Variants in CCNDBP1 observed in about 807,000 individuals in gnomAD.
CCNDBP1 encodes the protein cyclin D1 binding protein 1.
In CCNDBP1, 45 loss-of-function variants were observed where a neutral mutation model predicts 46.2. That is an observed-to-expected ratio of 0.97 (90% CI 0.77 to 1.25). The LOEUF (loss-of-function observed/expected upper bound fraction) is 1.25, where lower values mean the gene tolerates loss of function less well. Ranked by LOEUF, CCNDBP1 falls within the 50% of genes most tolerant of loss-of-function variation. CCNDBP1 has a pLI of 0.00. For synonymous variants in CCNDBP1, 154 were observed against 163.6 expected (o/e 0.94, Z 0.45); for missense variants, 436 against 442.1 (o/e 0.99, Z 0.12).
At position 43,194,753 on chromosome 15, in the gene CCNDBP1, A is replaced by C. The variant is rs1157576269; in HGVS notation, c.995A>C (p.Glu332Ala). ...GCAAGTCATGTGACCCCTCAGCCAG[A>C]AGATAGTTGGATCCCTTTACTTATT... ...TKASHVTPQP[E>A]DSWIPLLINA... Residue 332 changes from glutamate to alanine, a missense_variant, in exon 11 of 11, where the codon GAA becomes GCA. Physicochemically the swap from Glu to Ala is moderately radical, Grantham distance 107. Transcript: ENST00000300213. 6.2e-7 allele frequency: 1 copy of C among 1,613,302 alleles called. No individual in the cohort carries two copies. Among genetic ancestry groups the C allele is most frequent in the Non-Finnish European group, 8.5e-7 (1 of 1,179,234 alleles).
intron 3 of CCNDBP1, among the ~76,000 whole-genome samples, chr15:43,187,619 A>C (rs569973218): frequency 6.6e-5 from 10 of 152,318 alleles, no homozygotes; most frequent in Admixed American, 3.9e-4. Flanking sequence ...GTATGAGAGC[A>C]CTTCAAAAGA....
chr15:43,189,540 A>T, intron 4 of CCNDBP1: 2 of 409,604 alleles, frequency 4.9e-6, no homozygotes, highest in Non-Finnish European at 8.7e-6. Context: ...TCCCTCTTCA[A>T]CCCGTTTTAA....
intron 8 of CCNDBP1, 135 bp from the exon 9 acceptor site, chr15:43,192,608 T>G: frequency 1.4e-6 from 1 of 708,174 alleles, no homozygotes; most frequent in Non-Finnish European, 2.5e-6. Flanking sequence ...TCTGTATTGG[T>G]TGCCCAGTTG....
intron 2 of CCNDBP1, 127 bp from the exon 3 acceptor site, chr15:43,186,027 G>A: frequency 8.4e-7 from 1 of 1,195,682 alleles, no homozygotes; most frequent in East Asian, 2.4e-5. Context: ...ACCTGAGAGG[G>A]TGAAATAGAA....
At position 43,191,395 on chromosome 15, in the gene CCNDBP1, G is replaced by A; in HGVS notation, c.580G>A (p.Ala194Thr). Reference sequence around the variant, plus strand: ...TCACATACATCATGGTATGTCTTAGGCTGTGGAAGAATGTGACCCTTACTC... The same window carrying A: ...TCACATACATCATGGTATGTCTTAGACTGTGGAAGAATGTGACCCTTACTC... ...VKDAHEEMEQAVEECDPYSGL... is the reference protein window; with the variant it reads ...VKDAHEEMEQTVEECDPYSGL... Residue 194 changes from alanine to threonine, a missense_variant and splice_region_variant, in exon 8 of 11, where the codon GCT becomes ACT. Coordinates refer to ENST00000300213, the MANE Select transcript of CCNDBP1 (RefSeq NM_012142.5). 1.3e-6 allele frequency: 2 copies of A among 1,553,084 alleles called. No homozygotes were observed. Among genetic ancestry groups the A allele is most frequent in the African/African-American group, 2.9e-5 (2 of 69,556 alleles).
At chr15:43,190,437 A>G (rs199673621) in intron 6 of CCNDBP1, 39 bp downstream of exon 6, 2 of 1,527,118 alleles carry the variant, frequency 1.3e-6, no homozygotes, top group East Asian at 2.2e-5. Flanking sequence ...CTGCTGGCCA[A>G]AGCAAAGAGA....
rs1369316282 is a variant in CCNDBP1 at position 43,195,969 on chromosome 15, C to T, written c.*1128C>T. 6.6e-6 allele frequency: 1 copy of T among 152,068 alleles called. No homozygotes were observed. Among genetic ancestry groups the T allele is most frequent in the Non-Finnish European group, 1.5e-5 (1 of 68,014 alleles). 9.4% of individuals were successfully genotyped at this position (152,068 alleles called of 1,614,324 possible). Reference sequence around the variant, plus strand: ...TAACAAGTGTCATGAAGGGAAGGAACTAAAATCAAACTGACAGAGTGTCAA... The same window carrying T: ...TAACAAGTGTCATGAAGGGAAGGAATTAAAATCAAACTGACAGAGTGTCAA... On this transcript the variant is annotated 3_prime_UTR_variant, in exon 11 of 11. Transcript: ENST00000300213.
At chr15:43,193,922 A>G (rs1457395535) in intron 9 of CCNDBP1, among the ~76,000 whole-genome samples, 1 of 152,140 alleles carries the variant, frequency 6.6e-6, no homozygotes, top group African/African-American at 2.4e-5. Flanking sequence ...CAGCTATCCC[A>G]AACATAGTAT....
intron 3 of CCNDBP1, 108 bp from the exon 4 acceptor site, chr15:43,189,077 CAAAAAAAAAAAAAA>C: frequency 6.6e-6 from 1 of 151,062 alleles, no homozygotes; most frequent in Non-Finnish European, 1.1e-5. Context: ...GACTCTGTCT[CAAAAAAAAAAAAAA>C]AAAAAAAAAA....
rs1344690495 is a variant in CCNDBP1, at chr15:43,196,128, T to G, written c.*1287T>G. ...CAAATTCATGTTATTAACATCAGAC[T>G]TTAATTGTGGGATACTTAATGAATA... On this transcript the variant is annotated 3_prime_UTR_variant, in exon 11 of 11. Coordinates refer to ENST00000300213, the MANE Select transcript of CCNDBP1 (RefSeq NM_012142.5). 1 of 152,182 alleles carries G rather than the reference T, an allele frequency of 6.6e-6. No individual in the cohort carries two copies. The highest frequency in any genetic ancestry group is 2.4e-5 in the African/African-American group (1 of 41,444). 9.4% of individuals were successfully genotyped at this position (152,182 alleles called of 1,614,324 possible).
Position 43,196,511 on chromosome 15 carries a change from C to G in CCNDBP1, c.*1670C>G, listed in dbSNP as rs960155464. 6.6e-5 allele frequency: 10 copies of G among 151,928 alleles called. No individual in the cohort carries two copies. Among genetic ancestry groups the G allele is most frequent in the African/African-American group, 2.4e-4 (10 of 41,220 alleles). 9.4% of individuals were successfully genotyped at this position (151,928 alleles called of 1,614,324 possible). A position where few individuals can be genotyped will look rare whatever the true frequency, so the allele number is the denominator to read the frequency against. ...CCATGTTGGCCAGGCTGGTCTCAAA[C>G]TCCTGACCTCAGGTGATCTGCCCAC... On this transcript the variant is annotated 3_prime_UTR_variant, in exon 11 of 11. Transcript: ENST00000300213.
chr15:43,192,903 A>G, intron 9 of CCNDBP1, 100 bp downstream of exon 9: 1 of 1,072,162 alleles, frequency 9.3e-7, no homozygotes, highest in Admixed American at 1.7e-5. Context: ...TTTATTAGTC[A>G]CATTTGGATG....
chr15:43,190,867 C>A, intron 6 of CCNDBP1, 99 bp from the exon 7 acceptor site: 1 of 948,772 alleles, frequency 1.1e-6, no homozygotes, highest in Non-Finnish European at 1.7e-6. Context: ...CCGTCCTTGG[C>A]ACTCCCATCA....
At chr15:43,194,666 G>A in intron 10 of CCNDBP1, 61 bp from the exon 11 acceptor site, 1 of 1,328,274 alleles carries the variant, frequency 7.5e-7, no homozygotes, top group Admixed American at 1.8e-5. Flanking sequence ...CCCTCCTGAG[G>A]ATAGGTTTTC....
intron 3 of CCNDBP1, among the ~76,000 whole-genome samples, chr15:43,186,438 A>G (rs563014412): frequency 3.9e-5 from 6 of 152,262 alleles, no homozygotes; most frequent in South Asian, 4.1e-4. Context: ...TCTTATAAAT[A>G]TTGGTTCAGT....
Position 43,185,832 on chromosome 15 carries a change from A to G in CCNDBP1, c.122A>G (p.Gln41Arg). 2 of 1,611,204 alleles carry G rather than the reference A, an allele frequency of 1.2e-6. No homozygotes were observed. Among genetic ancestry groups the G allele is most frequent in the Non-Finnish European group, 1.7e-6 (2 of 1,179,894 alleles). ...CCACACCCACAAGTCGGCGAAGCCC[A>G]GGAGACCACCGAGGAGTTTAATCGA... ...LLPRVRVGEA[Q>R]ETTEEFNREM... Residue 41 changes from glutamine (Q) to arginine (R), a missense_variant, in exon 2 of 11, where the codon CAG (glutamine) becomes CGG (arginine). Physicochemically the swap from Gln to Arg is conservative, Grantham distance 43 (BLOSUM62 1). Transcript: ENST00000300213.
rs1433289180 is a variant in CCNDBP1 at position 43,196,324 on chromosome 15, C to T, written c.*1483C>T. 1.4e-5 allele frequency: 2 copies of T among 139,152 alleles called. No individual in the cohort carries two copies. Among genetic ancestry groups the T allele is most frequent in the Non-Finnish European group, 3.0e-5 (2 of 65,872 alleles). 8.6% of individuals were successfully genotyped at this position (139,152 alleles called of 1,614,324 possible). ...TTTTTGAGATGGAGTCTTGCTCTGTCCCCCAAGCTGGAGTGCAGTGGCACA... is the reference window on the plus strand; with the variant it reads ...TTTTTGAGATGGAGTCTTGCTCTGTTCCCCAAGCTGGAGTGCAGTGGCACA... On this transcript the variant is annotated 3_prime_UTR_variant, in exon 11 of 11. Coordinates refer to ENST00000300213, the MANE Select transcript of CCNDBP1 (RefSeq NM_012142.5).
chr15:43,189,444 T>C, intron 4 of CCNDBP1, 164 bp downstream of exon 4: 1 of 531,886 alleles, frequency 1.9e-6, no homozygotes, highest in African/African-American at 2.0e-5. Flanking sequence ...CAAGCCATTA[T>C]TCTAAGATAC....
rs975025868 is a variant in CCNDBP1 at position 43,195,545 on chromosome 15, C to A, written c.*704C>A. Reference sequence around the variant, plus strand: ...TACGTGTGTCCCCAAATGTAAATACCAAATTTTTATAAATCAAAAATTTTT... The same window carrying A: ...TACGTGTGTCCCCAAATGTAAATACAAAATTTTTATAAATCAAAAATTTTT... On this transcript the variant is annotated 3_prime_UTR_variant, in exon 11 of 11. Coordinates refer to ENST00000300213, the MANE Select transcript of CCNDBP1 (RefSeq NM_012142.5). The A allele has an allele frequency of 1.1e-4, 17 of 152,056 alleles. No individual in the cohort carries two copies. Among genetic ancestry groups the A allele is most frequent in the Non-Finnish European group, 1.8e-4 (12 of 68,004 alleles). 9.4% of individuals were successfully genotyped at this position (152,056 alleles called of 1,614,324 possible). A position where few individuals can be genotyped will look rare whatever the true frequency, so the allele number is the denominator to read the frequency against.
Sources: allele counts gnomAD v4.1 joint callset (sites outside exome capture counted in the v4.1 genomes callset), GRCh38; gene constraint gnomAD v4.1.1; transcripts MANE v1.5; gene names NCBI Gene and HGNC (gene_info 2026-07-23, HGNC 2026-07-21).